SLCO3A1: variants seen among roughly 807,000 people sequenced by gnomAD.
SLCO3A1 encodes solute carrier organic anion transporter family member 3A1.
In SLCO3A1, 27 loss-of-function variants were observed where a neutral mutation model predicts 63.1. The ratio of observed to expected loss-of-function variants is 0.43; its 90% CI spans 0.32 to 0.59. The LOEUF (loss-of-function observed/expected upper bound fraction) is 0.59. SLCO3A1 is among the 20% of genes least tolerant of loss of function. SLCO3A1 has a pLI of 0.09. For missense variants in SLCO3A1, 773 were observed against 945.8 expected (o/e 0.82, Z 2.40); for synonymous variants, 473 against 409.9 (o/e 1.15, Z -1.86).
rs1240880937 is a variant in SLCO3A1 at position 92,012,744 on chromosome 15, A to T, written c.647-82137A>T. On this transcript the variant is annotated intron_variant, in intron 2 of 9. Transcript: ENST00000318445. ...ATGATGAAATGCTGTCTCTAATTTA[A>T]AAAAAAAAAAAAAAAAAAAGGCTCA... Among the ~76,000 whole-genome samples, 20 of 11,192 alleles carry T rather than the reference A, an allele frequency of 1.8e-3. No individual in the cohort carries two copies. The South Asian group carries it at 0.043, about 24-fold the overall frequency. The allele number at this position is 11,192 out of a possible 152,430, so 7.3% of individuals were successfully genotyped here.
chr15:92,037,227 G>A (rs1184359960), intron 2 of SLCO3A1, among the ~76,000 whole-genome samples: 1 of 152,162 alleles, frequency 6.6e-6, no homozygotes, highest in Non-Finnish European at 1.5e-5. Context: ...TGGTAACAAT[G>A]TTCATGCCAA....
chr15:92,124,250 A>G (rs770829028), intron 5 of SLCO3A1, among the ~76,000 whole-genome samples: 2 of 152,240 alleles, frequency 1.3e-5, no homozygotes, highest in Non-Finnish European at 2.9e-5. Context: ...CTCAATCTGC[A>G]TAGGTTAACG....
chr15:92,066,656 G>A (rs2047155790), intron 2 of SLCO3A1, among the ~76,000 whole-genome samples: 1 of 152,130 alleles, frequency 6.6e-6, no homozygotes, highest in Non-Finnish European at 1.5e-5. Context: ...TCCATGAAGT[G>A]GGCCTAAGAA....
rs115295569 is a variant in SLCO3A1, at chr15:91,994,409, T to G, written c.646+77951T>G. The stretch of plus-strand genomic sequence containing the variant: ...ATTACTAGCCCAAAGTCACAGTTGG[T>G]AAAATGTTGAGCTGGAATTTGAATT... On this transcript the variant is annotated intron_variant, in intron 2 of 9. Transcript: ENST00000318445. Among the ~76,000 whole-genome samples, 986 of 152,296 alleles carry G rather than the reference T, an allele frequency of 6.5e-3. 15 individuals carry two copies. Among genetic ancestry groups the G allele is most frequent in the African/African-American group, 0.023 (945 of 41,550 alleles).
At chr15:92,110,010 G>A (rs528944719) in intron 4 of SLCO3A1, among the ~76,000 whole-genome samples, 2 of 152,104 alleles carry the variant, frequency 1.3e-5, no homozygotes, top group South Asian at 4.2e-4. Context: ...ATAAACTGAC[G>A]AAAGAGGAGA....
At chr15:91,975,752 T>G (rs1901082245) in intron 2 of SLCO3A1, among the ~76,000 whole-genome samples, 1 of 152,200 alleles carries the variant, frequency 6.6e-6, no homozygotes, top group Non-Finnish European at 1.5e-5. Flanking sequence ...ACTATGAGAT[T>G]GCCCCTTACA....
At chr15:91,878,100 T>C (rs1597081232) in intron 1 of SLCO3A1, among the ~76,000 whole-genome samples, 1 of 150,040 alleles carries the variant, frequency 6.7e-6, no homozygotes, top group South Asian at 2.2e-4. Context: ...TTTTTTTTTT[T>C]TTTTTTGAGA....
intron 2 of SLCO3A1, among the ~76,000 whole-genome samples, chr15:91,919,460 G>A (rs1323516107): frequency 1.3e-5 from 2 of 152,232 alleles, no homozygotes; most frequent in Non-Finnish European, 2.9e-5. Context: ...TGCGGCACCC[G>A]GACTCACAGT....
chr15:92,076,235 G>A (rs1431385457), intron 2 of SLCO3A1, among the ~76,000 whole-genome samples: 1 of 152,120 alleles, frequency 6.6e-6, no homozygotes, highest in East Asian at 1.9e-4. Flanking sequence ...CCCCGCTGGA[G>A]GTGAGGTTGG....
At chr15:92,120,747 A>T in intron 5 of SLCO3A1, 118 bp downstream of exon 5, 2 of 804,820 alleles carry the variant, frequency 2.5e-6, no homozygotes, top group Non-Finnish European at 4.1e-6. Flanking sequence ...TACAGCAACA[A>T]GATATATGTG....
chr15:92,121,041 TAC>T (rs2047856997), intron 5 of SLCO3A1, among the ~76,000 whole-genome samples: 10 of 152,024 alleles, frequency 6.6e-5, no homozygotes, highest in Non-Finnish European at 1.0e-4. Flanking sequence ...ATACACTCCC[TAC>T]TCCTCCCTGT....
At chr15:91,957,372 C>G (rs1900278551) in intron 2 of SLCO3A1, among the ~76,000 whole-genome samples, 2 of 150,816 alleles carry the variant, frequency 1.3e-5, no homozygotes, top group African/African-American at 4.9e-5. Flanking sequence ...CCCATCACAC[C>G]TGCAATCAAA....
At chr15:92,064,998 T>C (rs1297928407) in intron 2 of SLCO3A1, among the ~76,000 whole-genome samples, 14 of 152,226 alleles carry the variant, frequency 9.2e-5, no homozygotes, top group Non-Finnish European at 4.4e-5. Flanking sequence ...TTTTTAAAAA[T>C]AGCTAGAAGA....
chr15:91,946,418 G>C (rs1899807278), intron 2 of SLCO3A1, among the ~76,000 whole-genome samples: 1 of 152,222 alleles, frequency 6.6e-6, no homozygotes, highest in African/African-American at 2.4e-5. Context: ...CCAGTGAGGA[G>C]CACTCCGGGC....
At chr15:92,137,697 T>C (rs2048076815) in intron 7 of SLCO3A1, among the ~76,000 whole-genome samples, 3 of 106,992 alleles carry the variant, frequency 2.8e-5, no homozygotes, top group African/African-American at 5.1e-5. Flanking sequence ...CTCATTGTGG[T>C]TTTGATTTGC....
At position 91,882,603 on chromosome 15, in the gene SLCO3A1, C is replaced by G. The variant is rs1478725377; in HGVS notation, c.180+28515C>G. 6.6e-6 allele frequency among the ~76,000 whole-genome samples: 1 copy of G among 152,118 alleles called. No individual in the cohort carries two copies. The highest frequency in any genetic ancestry group is 1.5e-5 in the Non-Finnish European group (1 of 68,018). ...GATCTCAGCTCACTGCAACCTCCGC[C>G]TCCCGGGTTCAAGCGATTCTCTTGC... On this transcript the variant is annotated intron_variant, in intron 1 of 9. Transcript: ENST00000318445. The surrounding 1 kb of genome is among the most constrained non-coding windows in gnomAD (Gnocchi z 4.4).
intron 2 of SLCO3A1, among the ~76,000 whole-genome samples, chr15:92,011,759 G>C (rs372697887): frequency 6.6e-6 from 1 of 152,234 alleles, no homozygotes; most frequent in African/African-American, 2.4e-5. Flanking sequence ...GGCTCCTAGC[G>C]TGGTGCTTGG....
At chr15:92,084,125 C>T (rs1424829423) in intron 2 of SLCO3A1, among the ~76,000 whole-genome samples, 1 of 152,054 alleles carries the variant, frequency 6.6e-6, no homozygotes, top group African/African-American at 2.4e-5. Context: ...GAATGATAAA[C>T]GCATATGAAG....
At chr15:91,995,353 A>T (rs1011358815) in intron 2 of SLCO3A1, among the ~76,000 whole-genome samples, 1 of 152,208 alleles carries the variant, frequency 6.6e-6, no homozygotes, top group Non-Finnish European at 1.5e-5. Context: ...GACCTCATTG[A>T]TTCCTTGTGA....
Sources: gnomAD v4.1 joint callset for allele counts (sites outside exome capture counted in the v4.1 genomes callset) on GRCh38, gnomAD v4.1.1 for gene constraint, Gnocchi (gnomAD v3.1) non-coding constraint, MANE v1.5 for transcripts, NCBI Gene and HGNC (gene_info 2026-07-23, HGNC 2026-07-21) for gene names.